Variants in GALNT1 observed in about 807,000 individuals in gnomAD.
GALNT1 encodes the protein GalNAc transferase 1.
Under a neutral mutation model 65.7 loss-of-function variants are expected in GALNT1, and 17 were observed. That is an observed-to-expected ratio of 0.26 (90% CI 0.18 to 0.39). The LOEUF (loss-of-function observed/expected upper bound fraction) is 0.39, where lower values mean the gene tolerates loss of function less well. Among genes scored for constraint, GALNT1 ranks in the 10% least tolerant of loss-of-function variants. The probability of loss-of-function intolerance (pLI) is 1.00; values close to 1 mark genes in which losing one functional copy is unlikely to be tolerated. For missense variants in GALNT1, 460 were observed against 672.8 expected, an observed-to-expected ratio of 0.68 and a Z score of 3.50; for synonymous variants, 210 against 219.7, an observed-to-expected ratio of 0.96 and a Z score of 0.39.
chr18:35,593,159 G>A (rs2046464804), intron 1 of GALNT1, among the ~76,000 whole-genome samples: 1 of 152,178 alleles, frequency 6.6e-6, no homozygotes, highest in African/African-American at 2.4e-5. Context: ...GGTGTTTTCA[G>A]GTGTTGAACC....
intron 1 of GALNT1, among the ~76,000 whole-genome samples, chr18:35,642,506 A>G (rs535452519): frequency 6.6e-6 from 1 of 152,326 alleles, no homozygotes; most frequent in Admixed American, 6.5e-5. Context: ...ATGGGATTTG[A>G]GAGGGAACTT....
intron 9 of GALNT1, among the ~76,000 whole-genome samples, chr18:35,696,081 CCT>C (rs149026825): frequency 2.0e-5 from 3 of 152,276 alleles, no homozygotes; most frequent in Non-Finnish European, 4.4e-5. Flanking sequence ...CAGCGTTTAC[CCT>C]CTGTGGCCTG....
intron 1 of GALNT1, among the ~76,000 whole-genome samples, chr18:35,601,517 G>T (rs76806467): frequency 0.016 from 2,401 of 151,960 alleles, 32 homozygotes; most frequent in African/African-American, 0.028. Flanking sequence ...TACTTGAGGA[G>T]TATTGTTAGG....
At chr18:35,622,195 T>C (rs72960666) in intron 1 of GALNT1, among the ~76,000 whole-genome samples, 9,375 of 152,214 alleles carry the variant, frequency 0.062, 321 homozygotes, top group South Asian at 0.077. Flanking sequence ...AAAGATAGTA[T>C]TCCTTAATTT....
At chr18:35,601,961 C>G (rs1202234993) in intron 1 of GALNT1, among the ~76,000 whole-genome samples, 1 of 152,138 alleles carries the variant, frequency 6.6e-6, no homozygotes, top group Non-Finnish European at 1.5e-5. Context: ...TTACTTTTAC[C>G]AGTGAGCTTT....
intron 1 of GALNT1, among the ~76,000 whole-genome samples, chr18:35,629,556 C>T (rs958881298): frequency 5.3e-5 from 8 of 152,090 alleles, no homozygotes; most frequent in African/African-American, 1.7e-4. Context: ...TACGAGAGCT[C>T]CTAAAGGAAA....
At chr18:35,593,926 C>G (rs773154847) in intron 1 of GALNT1, among the ~76,000 whole-genome samples, 3 of 151,836 alleles carry the variant, frequency 2.0e-5, no homozygotes, top group Non-Finnish European at 4.4e-5. Flanking sequence ...GTCAGGCTGG[C>G]CTTGAACTCC....
At chr18:35,615,777 G>C (rs907637248) in intron 1 of GALNT1, among the ~76,000 whole-genome samples, 2 of 152,188 alleles carry the variant, frequency 1.3e-5, no homozygotes, top group Admixed American at 6.5e-5. Context: ...AAAATGAATA[G>C]CCAGTAAACA....
intron 1 of GALNT1, among the ~76,000 whole-genome samples, chr18:35,648,159 G>A (rs2047260191): frequency 6.6e-6 from 1 of 151,402 alleles, no homozygotes; most frequent in Non-Finnish European, 1.5e-5. Flanking sequence ...GAGGGAGAGA[G>A]GATTGGATCA....
At chr18:35,685,841 C>G (rs1418273213) in intron 5 of GALNT1, among the ~76,000 whole-genome samples, 3 of 152,148 alleles carry the variant, frequency 2.0e-5, no homozygotes, top group African/African-American at 4.8e-5. Context: ...CCGAGGTGGG[C>G]AGATCACTTG....
intron 1 of GALNT1, among the ~76,000 whole-genome samples, chr18:35,600,224 G>T (rs1247848842): frequency 1.3e-5 from 2 of 152,034 alleles, no homozygotes; most frequent in Admixed American, 1.3e-4. Flanking sequence ...TTTCCTTGTA[G>T]AGATCATTCC....
intron 4 of GALNT1, among the ~76,000 whole-genome samples, chr18:35,679,607 G>C (rs1323796294): frequency 5.9e-5 from 9 of 152,138 alleles, no homozygotes; most frequent in Non-Finnish European, 1.0e-4. Flanking sequence ...CTGGAGTGCC[G>C]CTCCAGAGTC....
At chr18:35,616,409 C>T (rs1216242594) in intron 1 of GALNT1, among the ~76,000 whole-genome samples, 1 of 152,164 alleles carries the variant, frequency 6.6e-6, no homozygotes, top group East Asian at 1.9e-4. Context: ...CATCAAAGTG[C>T]TCAGCACACA....
intron 2 of GALNT1, among the ~76,000 whole-genome samples, chr18:35,655,313 G>T (rs1488594136): frequency 6.6e-6 from 1 of 150,990 alleles, no homozygotes; most frequent in African/African-American, 2.4e-5. Context: ...TTTTTGAAAA[G>T]ATTGGGTGAT....
At chr18:35,629,077 A>G (rs1268294768) in intron 1 of GALNT1, among the ~76,000 whole-genome samples, 1 of 152,244 alleles carries the variant, frequency 6.6e-6, no homozygotes, top group Non-Finnish European at 1.5e-5. Flanking sequence ...TGAAAAGACC[A>G]AATCTACATC....
intron 3 of GALNT1, among the ~76,000 whole-genome samples, chr18:35,666,803 G>C (rs2047555274): frequency 6.6e-6 from 1 of 152,128 alleles, no homozygotes. Flanking sequence ...CCACTTTTGT[G>C]AAAGCTGCCA....
At chr18:35,627,093 C>T (rs2046928235) in intron 1 of GALNT1, among the ~76,000 whole-genome samples, 1 of 152,222 alleles carries the variant, frequency 6.6e-6, no homozygotes, top group East Asian at 1.9e-4. Flanking sequence ...CAAACAGTGT[C>T]TCCCACAGTG....
At chr18:35,603,034 A>G (rs1285248060) in intron 1 of GALNT1, among the ~76,000 whole-genome samples, 1 of 152,178 alleles carries the variant, frequency 6.6e-6, no homozygotes, top group Non-Finnish European at 1.5e-5. Flanking sequence ...ATTTTCATTT[A>G]TCCTAGATCA....
intron 9 of GALNT1, among the ~76,000 whole-genome samples, chr18:35,702,173 TTATC>T (rs1339473147): frequency 1.3e-5 from 2 of 152,172 alleles, no homozygotes; most frequent in Non-Finnish European, 2.9e-5. Context: ...TACCCCTACT[TTATC>T]TATCACACAA....
Sources: allele counts gnomAD v4.1 joint callset (sites outside exome capture counted in the v4.1 genomes callset), GRCh38; gene constraint gnomAD v4.1.1; transcripts MANE v1.5; gene names NCBI Gene and HGNC (gene_info 2026-07-23, HGNC 2026-07-21).